The following NFAM1 variants were observed in gnomAD, a reference collection of about 807,000 sequenced individuals.
The protein encoded by NFAM1 is NFAT activating protein with ITAM motif 1.
A neutral mutation model predicts 29.0 loss-of-function variants in NFAM1; 17 were observed. The observed-to-expected ratio is 0.59, with a 90% confidence interval of 0.40 to 0.88. NFAM1 has a LOEUF of 0.88. Ranked by LOEUF, NFAM1 falls within the 40% of genes least tolerant of loss-of-function variation. NFAM1 has a pLI of 0.00. For missense variants in NFAM1, 324 were observed against 344.6 expected, an observed-to-expected ratio of 0.94 and a Z score of 0.47; for synonymous variants, 175 against 147.2, an observed-to-expected ratio of 1.19 and a Z score of -1.36.
At chr22:42,437,626 C>T in the NFAM1 span, among the ~76,000 whole-genome samples, 1 of 152,174 alleles carries the variant, frequency 6.6e-6, no homozygotes, top group Admixed American at 6.5e-5. Context: ...CCACGCAGGA[C>T]GGCCCCAGGG....
At chr22:42,405,139 G>T (rs1397991666) in intron 3 of NFAM1, among the ~76,000 whole-genome samples, 1 of 152,160 alleles carries the variant, frequency 6.6e-6, no homozygotes, top group African/African-American at 2.4e-5. Context: ...CTCAAGCCCA[G>T]GGCTCTGAGC....
In NFAM1 at chr22:42,432,369, C is replaced by T; in HGVS notation, c.-12G>A. On this transcript the variant is annotated 5_prime_UTR_variant, in exon 1 of 6. Coordinates refer to ENST00000329021, the MANE Select transcript of NFAM1 (RefSeq NM_145912.8). ...GGCTGGTTCTCCATCTGGGGGCCTG[C>T]TTGTCTGCGGCGACTCTTTAGTTCA... 1.3e-6 allele frequency: 2 copies of T among 1,558,920 alleles called. No individual in the cohort carries two copies. Among genetic ancestry groups the T allele is most frequent in the South Asian group, 1.2e-5 (1 of 83,838 alleles).
upstream of NFAM1, among the ~76,000 whole-genome samples, chr22:42,434,562 C>CGGGG (rs1223259980): frequency 6.6e-6 from 1 of 152,190 alleles, no homozygotes. Context: ...GCTGCGCTGT[C>CGGGG]GGGGCCTCGT....
chr22:42,403,089 G>A (rs571130677), intron 3 of NFAM1, among the ~76,000 whole-genome samples: 18 of 150,990 alleles, frequency 1.2e-4, no homozygotes, highest in Non-Finnish European at 2.2e-4. Flanking sequence ...CACCCACCTC[G>A]GACTCCCAAA....
chr22:42,396,322 A>G (rs1003627107), intron 4 of NFAM1, among the ~76,000 whole-genome samples: 9 of 152,238 alleles, frequency 5.9e-5, no homozygotes, highest in African/African-American at 2.2e-4. Flanking sequence ...TGTTCATGAA[A>G]AAAATAGCTG....
intron 1 of NFAM1, among the ~76,000 whole-genome samples, chr22:42,426,615 G>A (rs1389498631): frequency 1.3e-5 from 2 of 152,210 alleles, no homozygotes; most frequent in Non-Finnish European, 2.9e-5. Flanking sequence ...TGGCAAAGGC[G>A]CCATCAGGGC....
chr22:42,422,776 G>C (rs1462457856), intron 1 of NFAM1, among the ~76,000 whole-genome samples: 2 of 152,150 alleles, frequency 1.3e-5, no homozygotes, highest in East Asian at 3.9e-4. Context: ...AAAAGGGTGA[G>C]GTTGGGTCTG....
upstream of NFAM1, among the ~76,000 whole-genome samples, chr22:42,432,601 C>G (rs1569238751): frequency 1.3e-5 from 2 of 152,196 alleles, no homozygotes; most frequent in Non-Finnish European, 2.9e-5. Context: ...CACTCCAACC[C>G]CTGGTGGGCT....
intron 1 of NFAM1, among the ~76,000 whole-genome samples, chr22:42,424,287 C>T (rs1301480917): frequency 1.3e-5 from 2 of 152,006 alleles, no homozygotes; most frequent in Admixed American, 6.6e-5. Context: ...TGGTGGCAGG[C>T]GCCTGTAGTC....
At chr22:42,420,980 C>T (rs745734228) in intron 1 of NFAM1, among the ~76,000 whole-genome samples, 5 of 152,100 alleles carry the variant, frequency 3.3e-5, no homozygotes, top group African/African-American at 4.8e-5. Context: ...TTATTGTCAC[C>T]TCAGCTCAAG....
intron 4 of NFAM1, among the ~76,000 whole-genome samples, chr22:42,387,353 C>T (rs1429839017): frequency 2.0e-5 from 3 of 152,150 alleles, no homozygotes; most frequent in Admixed American, 1.3e-4. Flanking sequence ...GGGTTCTATC[C>T]AGGCTTCCAC....
intron 4 of NFAM1, among the ~76,000 whole-genome samples, chr22:42,393,741 A>G (rs997909382): frequency 2.0e-5 from 3 of 151,912 alleles, no homozygotes; most frequent in African/African-American, 7.3e-5. Context: ...TTTAATTAGT[A>G]AGGATCAATT....
chr22:42,386,931 G>T, intron 5 of NFAM1, 58 bp downstream of exon 5: 1 of 943,984 alleles, frequency 1.1e-6, no homozygotes, highest in Non-Finnish European at 1.6e-6. Flanking sequence ...CACTTCACCA[G>T]TGATGGGAGG....
chr22:42,409,340 C>T lies in NFAM1; in HGVS notation c.564+95G>A. 1 of 607,558 alleles carries T rather than the reference C, an allele frequency of 1.6e-6. No homozygotes were observed. The highest frequency in any genetic ancestry group is 3.0e-5 in the East Asian group (1 of 32,886). 37.6% of individuals were successfully genotyped at this position (607,558 alleles called of 1,614,324 possible). On this transcript the variant is annotated intron_variant, in intron 3 of 5. Transcript: ENST00000329021. This position sits in a 1 kb window ranked among gnomAD's most constrained non-coding sequence, Gnocchi z 4.9. ...CCTGTTACAGATGTGGATGTGCCCTCACCAGGGCCCACCAAACGCCCTGCA... is the reference window on the plus strand; with the variant it reads ...CCTGTTACAGATGTGGATGTGCCCTTACCAGGGCCCACCAAACGCCCTGCA...
chr22:42,404,168 G>T (rs531863114), intron 3 of NFAM1, among the ~76,000 whole-genome samples: 1 of 152,108 alleles, frequency 6.6e-6, no homozygotes, highest in African/African-American at 2.4e-5. Flanking sequence ...GGCCTTTGCA[G>T]AAGTCAGGTG....
chr22:42,432,047 C>T (rs2146562943), intron 1 of NFAM1, among the ~76,000 whole-genome samples, 190 bp downstream of exon 1: 1 of 152,320 alleles, frequency 6.6e-6, no homozygotes, highest in South Asian at 2.1e-4. Context: ...TCAAAAGCCA[C>T]CTTGGCAAGG....
At chr22:42,390,371 C>G (rs2147091412) in intron 4 of NFAM1, among the ~76,000 whole-genome samples, 1 of 152,118 alleles carries the variant, frequency 6.6e-6, no homozygotes, top group South Asian at 2.1e-4. Flanking sequence ...ACAATAATCA[C>G]AGTAAAAGGT....
intron 3 of NFAM1, among the ~76,000 whole-genome samples, chr22:42,405,408 C>T (rs1217697900): frequency 6.6e-6 from 1 of 152,168 alleles, no homozygotes; most frequent in Non-Finnish European, 1.5e-5. Context: ...GTGTCCACGC[C>T]CCAGCTCCTC....
intron 3 of NFAM1, among the ~76,000 whole-genome samples, chr22:42,406,401 T>G (rs1381166687): frequency 6.6e-6 from 1 of 152,168 alleles, no homozygotes; most frequent in Non-Finnish European, 1.5e-5. Flanking sequence ...TTGTATCACA[T>G]AGAGTAAGGG....
Sources: allele counts gnomAD v4.1 joint callset (sites outside exome capture counted in the v4.1 genomes callset), GRCh38; gene constraint gnomAD v4.1.1; non-coding constraint Gnocchi (gnomAD v3.1); transcripts MANE v1.5; gene names NCBI Gene and HGNC (gene_info 2026-07-23, HGNC 2026-07-21).